The following CNTNAP2 variants were observed in gnomAD, a reference collection of about 807,000 sequenced individuals.
CNTNAP2 encodes the protein contactin associated protein 2.
In CNTNAP2, 98 loss-of-function variants were observed where a neutral mutation model predicts 155.2. The ratio of observed to expected loss-of-function variants is 0.63; its 90% CI spans 0.54 to 0.75. The LOEUF is 0.75. Ranked by LOEUF, CNTNAP2 falls within the 30% of genes least tolerant of loss-of-function variation. CNTNAP2 has a pLI of 0.00. For synonymous variants in CNTNAP2, 651 were observed against 631.2 expected (o/e 1.03, Z -0.47); for missense variants, 1,727 against 1,688.1 (o/e 1.02, Z -0.40).
rs959021657 is a variant in CNTNAP2, at chr7:147,841,583, G to C, written c.2099-61982G>C. On this transcript the variant is annotated intron_variant, in intron 13 of 23. Transcript: ENST00000361727. Reference sequence around the variant, plus strand: ...GACCCTACGCTACCTATTTCACAAAGTTATTCACATTTCTAGCTCATGAGG... The same window carrying C: ...GACCCTACGCTACCTATTTCACAAACTTATTCACATTTCTAGCTCATGAGG... Among the ~76,000 whole-genome samples the C allele has an allele frequency of 4.6e-5, 7 of 152,152 alleles. 1 individual carries two copies. Among genetic ancestry groups the C allele is most frequent in the Non-Finnish European group, 7.4e-5 (5 of 68,022 alleles).
intron 1 of CNTNAP2, among the ~76,000 whole-genome samples, chr7:146,468,556 A>T (rs1796749542): frequency 6.6e-6 from 1 of 152,180 alleles, no homozygotes; most frequent in African/African-American, 2.4e-5. Context: ...GATTGAACTG[A>T]CTCTGATAAT....
intron 4 of CNTNAP2, among the ~76,000 whole-genome samples, chr7:147,076,067 T>C (rs1799993685): frequency 6.6e-6 from 1 of 152,200 alleles, no homozygotes; most frequent in Admixed American, 6.5e-5. Flanking sequence ...GTCTTTGCTA[T>C]TGTGAATAGT....
At chr7:147,850,950 C>T (rs1341257169) in intron 13 of CNTNAP2, among the ~76,000 whole-genome samples, 1 of 152,142 alleles carries the variant, frequency 6.6e-6, no homozygotes, top group Non-Finnish European at 1.5e-5. Context: ...AGAGCTTCTG[C>T]AGAGCAAAAG....
chr7:147,017,679 C>T (rs1055278907), intron 3 of CNTNAP2, among the ~76,000 whole-genome samples: 2 of 151,878 alleles, frequency 1.3e-5, no homozygotes, highest in Non-Finnish European at 2.9e-5. Flanking sequence ...TACTAAACAA[C>T]TCTTTTTACA....
chr7:148,009,030 C>T (rs1183763335), intron 15 of CNTNAP2, among the ~76,000 whole-genome samples: 1 of 152,182 alleles, frequency 6.6e-6, no homozygotes, highest in Non-Finnish European at 1.5e-5. Flanking sequence ...TCATGATGCA[C>T]ATCTGTTATT....
intron 13 of CNTNAP2, among the ~76,000 whole-genome samples, chr7:147,900,123 C>G (rs554227792): frequency 6.6e-6 from 1 of 152,272 alleles, no homozygotes; most frequent in South Asian, 2.1e-4. Flanking sequence ...GCTGGCCCCT[C>G]TGCTCTCTGG....
intron 1 of CNTNAP2, among the ~76,000 whole-genome samples, chr7:146,544,535 C>T (rs1798000646): frequency 6.6e-6 from 1 of 151,720 alleles, no homozygotes; most frequent in African/African-American, 2.4e-5. Flanking sequence ...CTCTTTTTTC[C>T]CCCATAGAAA....
At chr7:147,137,966 TAAC>T (rs1801521790) in intron 8 of CNTNAP2, among the ~76,000 whole-genome samples, 1 of 151,966 alleles carries the variant, frequency 6.6e-6, no homozygotes, top group East Asian at 1.9e-4. Flanking sequence ...AGCTATCAGG[TAAC>T]AACATATTCC....
At chr7:148,245,056 T>A (rs1262955992) in intron 20 of CNTNAP2, among the ~76,000 whole-genome samples, 1 of 152,230 alleles carries the variant, frequency 6.6e-6, no homozygotes, top group Non-Finnish European at 1.5e-5. Flanking sequence ...TAGTATTTTT[T>A]ATGAAAAGCA....
intron 3 of CNTNAP2, among the ~76,000 whole-genome samples, chr7:147,027,076 T>A (rs151242177): frequency 6.6e-6 from 1 of 151,522 alleles, no homozygotes; most frequent in East Asian, 1.9e-4. Context: ...TAGCTTTGCA[T>A]CAGGGGACTT....
At chr7:147,868,879 C>T (rs62481195) in intron 13 of CNTNAP2, among the ~76,000 whole-genome samples, 30,931 of 152,194 alleles carry the variant, frequency 0.2, 3,213 homozygotes, top group South Asian at 0.29. Context: ...CAGTCTGTCA[C>T]GGCTTCCCTT....
chr7:148,200,090 C>A (rs950371400), intron 18 of CNTNAP2, among the ~76,000 whole-genome samples: 2 of 152,166 alleles, frequency 1.3e-5, no homozygotes, highest in African/African-American at 4.8e-5. Flanking sequence ...CAATTATGAT[C>A]CTCTCTATTC....
intron 3 of CNTNAP2, among the ~76,000 whole-genome samples, chr7:146,900,735 A>G (rs1286298934): frequency 6.6e-6 from 1 of 152,162 alleles, no homozygotes; most frequent in Non-Finnish European, 1.5e-5. Flanking sequence ...TTAGGAGTCT[A>G]CAGAGTTACC....
intron 12 of CNTNAP2, among the ~76,000 whole-genome samples, chr7:147,568,197 AGGAAAATATT>A (rs1563001347): frequency 1.3e-5 from 2 of 152,158 alleles, no homozygotes; most frequent in Non-Finnish European, 2.9e-5. Flanking sequence ...AAAAAAAAAA[AGGAAAATATT>A]TCCATTGTTA....
At chr7:146,274,361 C>T (rs942255958) in intron 1 of CNTNAP2, among the ~76,000 whole-genome samples, 1 of 152,156 alleles carries the variant, frequency 6.6e-6, no homozygotes, top group African/African-American at 2.4e-5. Context: ...GTTTTGCGTT[C>T]TGAGTTGAAT....
At chr7:148,042,245 C>T (rs992200520) in intron 15 of CNTNAP2, among the ~76,000 whole-genome samples, 4 of 152,330 alleles carry the variant, frequency 2.6e-5, no homozygotes, top group East Asian at 3.9e-4. Context: ...GTCACGTTTA[C>T]GTGCATCTGG....
At chr7:146,999,855 T>C (rs1798388576) in intron 3 of CNTNAP2, among the ~76,000 whole-genome samples, 1 of 152,082 alleles carries the variant, frequency 6.6e-6, no homozygotes, top group South Asian at 2.1e-4. Context: ...TTGAGGGTAA[T>C]CTTTTTTAAA....
chr7:146,725,497 A>C (rs533214184), intron 1 of CNTNAP2, among the ~76,000 whole-genome samples: 1 of 152,272 alleles, frequency 6.6e-6, no homozygotes, highest in East Asian at 1.9e-4. Flanking sequence ...TTGTAAAGCT[A>C]ATGAGAGACC....
At chr7:146,636,501 T>C (rs372862111) in intron 1 of CNTNAP2, among the ~76,000 whole-genome samples, 3 of 152,290 alleles carry the variant, frequency 2.0e-5, no homozygotes, top group East Asian at 1.9e-4. Flanking sequence ...TTGCCTCTTA[T>C]AATTCTGTGT....
Sources: gnomAD v4.1 joint callset for allele counts (sites outside exome capture counted in the v4.1 genomes callset) on GRCh38, gnomAD v4.1.1 for gene constraint, MANE v1.5 for transcripts, NCBI Gene and HGNC (gene_info 2026-07-23, HGNC 2026-07-21) for gene names.